Variants in GRIA4 observed in about 807,000 individuals in gnomAD.
GRIA4 encodes glutamate ionotropic receptor AMPA type subunit 4.
GRIA4 carries 34 observed loss-of-function variants against 104.0 expected under a neutral mutation model. That is an observed-to-expected ratio of 0.33 (90% CI 0.25 to 0.44). The LOEUF is 0.44. Ranked by LOEUF, GRIA4 falls within the 20% of genes least tolerant of loss-of-function variation. The pLI, the probability that GRIA4 is intolerant of heterozygous loss-of-function variation, is 1.00. For synonymous variants in GRIA4, 386 were observed against 381.9 expected, an observed-to-expected ratio of 1.01 and a Z score of -0.13; for missense variants, 750 against 1,096.5, an observed-to-expected ratio of 0.68 and a Z score of 4.46.
rs1948679885 is a variant in GRIA4, at chr11:105,959,496, A to T, written c.2295-12418A>T. On this transcript the variant is annotated intron_variant, in intron 14 of 16. Transcript: ENST00000282499. ...TCTAAACTGGTTATTCTAGTTAGCA[A>T]TTCCTCTAACCTTTATCAAGGTTCT... 2.0e-5 allele frequency among the ~76,000 whole-genome samples: 3 copies of T among 152,164 alleles called. No homozygotes were observed. The South Asian group carries it at 6.2e-4, about 31-fold the overall frequency.
At chr11:105,887,241 G>T (rs1344278275) in intron 5 of GRIA4, among the ~76,000 whole-genome samples, 5 of 152,022 alleles carry the variant, frequency 3.3e-5, no homozygotes, top group Admixed American at 1.3e-4. Flanking sequence ...ATATGTAAAT[G>T]TTGGTTCATA....
At chr11:105,846,379 C>T (rs1420782846) in intron 4 of GRIA4, among the ~76,000 whole-genome samples, 1 of 152,090 alleles carries the variant, frequency 6.6e-6, no homozygotes, top group East Asian at 1.9e-4. Flanking sequence ...AAAATATTTA[C>T]ATACATATTC....
At chr11:105,611,192 C>A in intron 2 of GRIA4, 107 bp downstream of exon 2, 1 of 783,438 alleles carries the variant, frequency 1.3e-6, no homozygotes, top group Non-Finnish European at 2.3e-6. Context: ...TCAGCAGTTC[C>A]CTTCCCCTCT....
intron 14 of GRIA4, among the ~76,000 whole-genome samples, chr11:105,942,090 T>C (rs1004150477): frequency 1.3e-4 from 20 of 152,040 alleles, no homozygotes; most frequent in Non-Finnish European, 2.9e-5. Flanking sequence ...TTAAAAAGCA[T>C]GAGGAAATTT....
chr11:105,917,870 C>T (rs1159083364), intron 10 of GRIA4, among the ~76,000 whole-genome samples: 1 of 145,682 alleles, frequency 6.9e-6, no homozygotes, highest in Admixed American at 6.9e-5. Context: ...GAAAACCGTC[C>T]AGTAATTATT....
intron 3 of GRIA4, among the ~76,000 whole-genome samples, chr11:105,715,451 G>A (rs943724263): frequency 4.6e-5 from 7 of 152,054 alleles, no homozygotes; most frequent in Non-Finnish European, 1.0e-4. Context: ...TGATGACCAA[G>A]AAGCCTACAG....
chr11:105,657,919 A>T (rs543294509), intron 3 of GRIA4, among the ~76,000 whole-genome samples: 1 of 151,796 alleles, frequency 6.6e-6, no homozygotes, highest in Non-Finnish European at 1.5e-5. Context: ...TTTGCTGTGA[A>T]CTTAAAAATG....
At chr11:105,686,903 C>T (rs1232466412) in intron 3 of GRIA4, among the ~76,000 whole-genome samples, 10 of 152,074 alleles carry the variant, frequency 6.6e-5, no homozygotes. Flanking sequence ...TGTATTTTGC[C>T]AATGTTTTAA....
chr11:105,938,337 T>C (rs140514161), intron 14 of GRIA4, among the ~76,000 whole-genome samples: 257 of 152,334 alleles, frequency 1.7e-3, no homozygotes, highest in Non-Finnish European at 2.9e-3. Flanking sequence ...GTGAGAATAA[T>C]ATTTTAGTCT....
chr11:105,634,013 A>G (rs1329538292), intron 3 of GRIA4, among the ~76,000 whole-genome samples: 3 of 152,098 alleles, frequency 2.0e-5, no homozygotes, highest in Non-Finnish European at 4.4e-5. Flanking sequence ...TGCAAAACAG[A>G]GACAATAGTA....
Position 105,687,626 on chromosome 11 carries a change from G to A in GRIA4, c.248-65355G>A, listed in dbSNP as rs113926541. On this transcript the variant is annotated intron_variant, in intron 3 of 16. Coordinates refer to ENST00000282499, the MANE Select transcript of GRIA4 (RefSeq NM_000829.4). ...TTCCTCCATGGAGAATGACAGTGCTGTCTATAGATATAAAGCATCTTGGAC... is the reference window on the plus strand; with the variant it reads ...TTCCTCCATGGAGAATGACAGTGCTATCTATAGATATAAAGCATCTTGGAC... 3.4e-3 allele frequency among the ~76,000 whole-genome samples: 522 copies of A among 152,302 alleles called. 5 individuals carry two copies. Among genetic ancestry groups the A allele is most frequent in the Middle Eastern group, 6.8e-3 (2 of 294 alleles).
At chr11:105,710,880 T>C (rs1953886014) in intron 3 of GRIA4, among the ~76,000 whole-genome samples, 1 of 152,098 alleles carries the variant, frequency 6.6e-6, no homozygotes, top group Non-Finnish European at 1.5e-5. Context: ...AATACACAAA[T>C]GGGTTATATT....
At chr11:105,867,897 G>A (rs1458333205) in intron 5 of GRIA4, among the ~76,000 whole-genome samples, 1 of 152,140 alleles carries the variant, frequency 6.6e-6, no homozygotes, top group African/African-American at 2.4e-5. Context: ...ACAACTGTAG[G>A]TGGGACAGCT....
intron 13 of GRIA4, 75 bp from the exon 14 acceptor site, chr11:105,933,647 C>A: frequency 8.8e-7 from 1 of 1,130,312 alleles, no homozygotes; most frequent in Non-Finnish European, 1.2e-6. Context: ...ACGCTTTATT[C>A]TTATCTTGGT....
chr11:105,622,561 T>A (rs1950775297), intron 3 of GRIA4, among the ~76,000 whole-genome samples: 1 of 151,830 alleles, frequency 6.6e-6, no homozygotes, highest in East Asian at 1.9e-4. Context: ...CCTTTTTTTT[T>A]CTTTCTTCTG....
At chr11:105,956,891 C>T (rs1369969908) in intron 14 of GRIA4, among the ~76,000 whole-genome samples, 2 of 152,146 alleles carry the variant, frequency 1.3e-5, no homozygotes, top group Non-Finnish European at 2.9e-5. Flanking sequence ...TGTCTTTTGG[C>T]TACATAAATG....
Position 105,630,579 on chromosome 11 carries a change from AC to A in GRIA4, c.247+18146del, listed in dbSNP as rs1291396089. On this transcript the variant is annotated intron_variant, in intron 3 of 16. Coordinates refer to ENST00000282499, the MANE Select transcript of GRIA4 (RefSeq NM_000829.4). ...CTCCTTCTAGGAAAAAACAAAAAAA[AC>A]AAAACACCAACTAAATATGTAGATA... 7.4e-4 allele frequency among the ~76,000 whole-genome samples: 112 copies of A among 152,264 alleles called. 1 individual carries two copies. The highest frequency in any genetic ancestry group is 2.6e-3 in the African/African-American group (108 of 41,542).
intron 16 of GRIA4, among the ~76,000 whole-genome samples, chr11:105,978,549 C>T (rs1859109843): frequency 6.6e-6 from 1 of 152,012 alleles, no homozygotes; most frequent in Non-Finnish European, 1.5e-5. Context: ...TTACTAATTT[C>T]ATTACTTAAT....
At chr11:105,794,518 T>TACAC (rs1165940733) in intron 4 of GRIA4, among the ~76,000 whole-genome samples, 24 of 120,962 alleles carry the variant, frequency 2.0e-4, no homozygotes, top group Middle Eastern at 4.3e-3. Flanking sequence ...TATATACATA[T>TACAC]ACACACACAC....
Sources: allele counts gnomAD v4.1 joint callset (sites outside exome capture counted in the v4.1 genomes callset), GRCh38; gene constraint gnomAD v4.1.1; transcripts MANE v1.5; gene names NCBI Gene and HGNC (gene_info 2026-07-23, HGNC 2026-07-21).